MCTP1: variants seen among roughly 807,000 people sequenced by gnomAD.
MCTP1 encodes the protein multiple C2 and transmembrane domain containing 1.
Under a neutral mutation model 120.6 loss-of-function variants are expected in MCTP1, and 69 were observed. That is an observed-to-expected ratio of 0.57 (90% CI 0.47 to 0.70). The LOEUF (loss-of-function observed/expected upper bound fraction) is 0.70, where lower values mean the gene tolerates loss of function less well. Among genes scored for constraint, MCTP1 ranks in the 30% least tolerant of loss-of-function variants. MCTP1 has a pLI of 0.00. For synonymous variants in MCTP1, 529 were observed against 493.1 expected (o/e 1.07, Z -0.96); for missense variants, 1,203 against 1,248.8 (o/e 0.96, Z 0.55).
At chr5:94,753,680 T>C (rs987251243) in intron 19 of MCTP1, among the ~76,000 whole-genome samples, 4 of 152,232 alleles carry the variant, frequency 2.6e-5, no homozygotes, top group African/African-American at 4.8e-5. Flanking sequence ...ATGCCTCTCT[T>C]AGCAAACAAA....
chr5:94,726,141 A>G (rs1762084919), intron 19 of MCTP1, among the ~76,000 whole-genome samples: 1 of 152,186 alleles, frequency 6.6e-6, no homozygotes, highest in South Asian at 2.1e-4. Flanking sequence ...TCAGTTGCCT[A>G]AAGATCCCCC....
In MCTP1 at chr5:95,174,306, A is replaced by G. The variant is rs547631842; in HGVS notation, c.720+109550T>C. The stretch of plus-strand genomic sequence containing the variant: ...CCAGCACATTTTTTTCAAAACCCGT[A>G]TTAATTATTAATGCTCATTATCATA... On this transcript the variant is annotated intron_variant, in intron 1 of 22. Transcript: ENST00000515393. Among the ~76,000 whole-genome samples, 3 of 152,286 alleles carry G rather than the reference A, an allele frequency of 2.0e-5. No individual in the cohort carries two copies. In the East Asian group the frequency reaches 5.8e-4, roughly 29 times the overall value.
intron 17 of MCTP1, among the ~76,000 whole-genome samples, chr5:94,814,270 TG>T (rs1227042522): frequency 2.6e-5 from 4 of 152,226 alleles, no homozygotes; most frequent in Non-Finnish European, 4.4e-5. Flanking sequence ...GCTAAACTTT[TG>T]TGGGGGTAAA....
chr5:95,078,952 G>A (rs1582191106), intron 1 of MCTP1, among the ~76,000 whole-genome samples: 1 of 152,250 alleles, frequency 6.6e-6, no homozygotes, highest in East Asian at 1.9e-4. Context: ...TCATCTTGGA[G>A]AGAAATCCCT....
At chr5:94,724,965 A>T (rs539481573) in intron 19 of MCTP1, among the ~76,000 whole-genome samples, 38 of 50,734 alleles carry the variant, frequency 7.5e-4, no homozygotes, top group Non-Finnish European at 1.7e-3. Context: ...CCAGAGATTT[A>T]AAAAAAAAAG....
chr5:94,715,108 G>A (rs1379217540), intron 19 of MCTP1, among the ~76,000 whole-genome samples: 7 of 152,044 alleles, frequency 4.6e-5, no homozygotes, highest in African/African-American at 1.7e-4. Flanking sequence ...TGGCTGCAAA[G>A]CAAGAGCCTC....
At chr5:94,940,487 C>G (rs1224215545) in intron 4 of MCTP1, among the ~76,000 whole-genome samples, 1 of 148,654 alleles carries the variant, frequency 6.7e-6, no homozygotes, top group Non-Finnish European at 1.5e-5. Flanking sequence ...CCTTTCTATG[C>G]TCTCTAAACC....
intron 17 of MCTP1, among the ~76,000 whole-genome samples, chr5:94,808,651 G>A (rs1377595071): frequency 6.6e-6 from 1 of 151,958 alleles, no homozygotes; most frequent in Non-Finnish European, 1.5e-5. Flanking sequence ...CTTATGTGTA[G>A]AGGAAAAAAA....
At chr5:95,272,552 G>A (rs1759492411) in intron 1 of MCTP1, among the ~76,000 whole-genome samples, 2 of 152,138 alleles carry the variant, frequency 1.3e-5, no homozygotes, top group South Asian at 4.1e-4. Flanking sequence ...CCTCATTCCT[G>A]GCAAATGCTC....
intron 1 of MCTP1, among the ~76,000 whole-genome samples, chr5:95,091,283 C>A (rs1038290808): frequency 2.6e-5 from 4 of 152,220 alleles, no homozygotes; most frequent in Non-Finnish European, 2.9e-5. Context: ...GACTTTCCAT[C>A]CTTTATAATA....
chr5:95,004,064 A>G (rs1834215811), intron 2 of MCTP1, among the ~76,000 whole-genome samples: 1 of 152,118 alleles, frequency 6.6e-6, no homozygotes, highest in Admixed American at 6.6e-5. Flanking sequence ...AAGGTGAGAA[A>G]CTCATTTGGA....
chr5:94,767,262 A>G (rs1772986465), intron 19 of MCTP1, among the ~76,000 whole-genome samples: 1 of 152,176 alleles, frequency 6.6e-6, no homozygotes. Context: ...TAGAAGGAAC[A>G]TATCTCAACG....
chr5:94,708,532 C>T lies in MCTP1; in HGVS notation c.2908G>A (p.Val970Ile). The T allele has an allele frequency of 6.2e-7, 1 of 1,606,952 alleles. No homozygotes were observed. Among genetic ancestry groups the T allele is most frequent in the South Asian group, 1.1e-5 (1 of 90,856 alleles). ...CATACCACTTGTACATCTGAAGGGACTCTGGAAAGGAAGTCAAGTAGTTCA... is the reference window on the plus strand; with the variant it reads ...CATACCACTTGTACATCTGAAGGGATTCTGGAAAGGAAGTCAAGTAGTTCA... ...NNELLDFLSR[V>I]PSDVQVVQYQ... The change falls in exon 22 of 23, where the codon GTC becomes ATC. Residue 970 changes from valine (V) to isoleucine (I), a missense_variant. Val to Ile is a conservative substitution (Grantham distance 29, BLOSUM62 3). Coordinates refer to ENST00000515393, the MANE Select transcript of MCTP1 (RefSeq NM_024717.7).
intron 1 of MCTP1, among the ~76,000 whole-genome samples, chr5:95,153,319 C>T (rs1265186854): frequency 6.6e-6 from 1 of 152,182 alleles, no homozygotes; most frequent in Non-Finnish European, 1.5e-5. Flanking sequence ...GAGGCCTCCC[C>T]AGCTATGTGG....
chr5:94,972,576 C>G (rs554474541), intron 2 of MCTP1, among the ~76,000 whole-genome samples: 1 of 152,256 alleles, frequency 6.6e-6, no homozygotes, highest in African/African-American at 2.4e-5. Context: ...GGAAACCACA[C>G]AGTGATGAGA....
At chr5:94,845,530 CAT>C (rs1491582077) in intron 17 of MCTP1, among the ~76,000 whole-genome samples, 2 of 39,412 alleles carry the variant, frequency 5.1e-5, no homozygotes, top group African/African-American at 1.0e-4. Flanking sequence ...AGGACATGAA[CAT>C]TTTTTTTTGT....
rs571706633 is a variant in MCTP1 at position 95,095,878 on chromosome 5, A to G, written c.721-78394T>C. ...ACGAAGGAGTAGGCGGTGACCGTGTATTTGAAATGAGGGGAGGCCCAGAAG... is the reference window on the plus strand; with the variant it reads ...ACGAAGGAGTAGGCGGTGACCGTGTGTTTGAAATGAGGGGAGGCCCAGAAG... On this transcript the variant is annotated intron_variant, in intron 1 of 22. Coordinates refer to ENST00000515393, the MANE Select transcript of MCTP1 (RefSeq NM_024717.7). 3.2e-4 allele frequency among the ~76,000 whole-genome samples: 48 copies of G among 152,226 alleles called. 1 individual carries two copies. The South Asian group carries it at 8.3e-3, about 26-fold the overall frequency.
At chr5:94,870,295 T>C (rs949632367) in intron 16 of MCTP1, 122 bp downstream of exon 16, 10 of 604,756 alleles carry the variant, frequency 1.7e-5, no homozygotes, top group East Asian at 1.4e-4. Context: ...TTTCAATAAG[T>C]AGATGATCAA....
chr5:94,962,141 G>GAA (rs1824415762), intron 2 of MCTP1, among the ~76,000 whole-genome samples: 1 of 151,890 alleles, frequency 6.6e-6, no homozygotes, highest in Non-Finnish European at 1.5e-5. Context: ...TAAAAAAAAA[G>GAA]AAATAGATGT....
Sources: gnomAD v4.1 joint callset for allele counts (sites outside exome capture counted in the v4.1 genomes callset) on GRCh38, gnomAD v4.1.1 for gene constraint, MANE v1.5 for transcripts, NCBI Gene and HGNC (gene_info 2026-07-23, HGNC 2026-07-21) for gene names.